Variants in ZFR observed in about 807,000 individuals in gnomAD.
ZFR encodes zinc finger RNA binding protein.
A neutral mutation model predicts 130.7 loss-of-function variants in ZFR; 19 were observed. The ratio of observed to expected loss-of-function variants is 0.15; its 90% CI spans 0.10 to 0.21. The LOEUF (loss-of-function observed/expected upper bound fraction) is 0.21, where lower values mean the gene tolerates loss of function less well. Among genes scored for constraint, ZFR ranks in the 10% least tolerant of loss-of-function variants. ZFR has a pLI of 1.00. For missense variants in ZFR, 872 were observed against 1,321.5 expected (o/e 0.66, Z 5.27); for synonymous variants, 466 against 456.9 (o/e 1.02, Z -0.25).
At chr5:32,414,287 C>T (rs1021066337) in intron 5 of ZFR, among the ~76,000 whole-genome samples, 1 of 152,190 alleles carries the variant, frequency 6.6e-6, no homozygotes, top group Admixed American at 6.5e-5. Flanking sequence ...GTGTCATTCA[C>T]AGCATATCTT....
intron 15 of ZFR, among the ~76,000 whole-genome samples, chr5:32,384,329 A>C (rs1752991575): frequency 6.6e-6 from 1 of 152,190 alleles, no homozygotes; most frequent in South Asian, 2.1e-4. Context: ...AACCCTTTAC[A>C]CAAAACTCAT....
At position 32,406,948 on chromosome 5, in the gene ZFR, TTGCTGC is replaced by T. The variant is rs761299567; in HGVS notation, c.852_857del (p.Gln286_Gln287del). The T allele has an allele frequency of 6.3e-7, 1 of 1,598,434 alleles. No individual in the cohort carries two copies. Among genetic ancestry groups the T allele is most frequent in the Non-Finnish European group, 8.5e-7 (1 of 1,176,128 alleles). The stretch of plus-strand genomic sequence containing the variant: ...CAGCTGCTGCTGCTGCCTGCTTCTG[TTGCTGC>T]TGCTGCTGTTGATAGTAGGAAGATG... On this transcript the variant is annotated inframe_deletion, in exon 6 of 20. Transcript: ENST00000265069.
intron 13 of ZFR, 46 bp downstream of exon 13, chr5:32,388,423 T>C (rs1305498533): frequency 6.3e-7 from 1 of 1,589,178 alleles, no homozygotes; most frequent in East Asian, 2.2e-5. Context: ...GAAGTCCACA[T>C]AAGAAAAACC....
At chr5:32,373,992 T>C (rs1752738002) in intron 17 of ZFR, among the ~76,000 whole-genome samples, 1 of 152,148 alleles carries the variant, frequency 6.6e-6, no homozygotes. Context: ...TGGGTGACTC[T>C]CTCAAAGAAG....
At chr5:32,444,487 C>G in intron 1 of ZFR, 135 bp downstream of exon 1, 1 of 1,281,108 alleles carries the variant, frequency 7.8e-7, no homozygotes, top group East Asian at 3.1e-5. Context: ...CCGCCTCGCA[C>G]TCCCTCACTC....
chr5:32,428,983 T>A (rs1247879009), intron 2 of ZFR, among the ~76,000 whole-genome samples: 7 of 2,998 alleles, frequency 2.3e-3, no homozygotes, highest in Non-Finnish European at 6.5e-3. Context: ...ATCTTTTTTT[T>A]TTTTTTTTTT....
At chr5:32,376,549 G>A (rs1752813795) in intron 17 of ZFR, among the ~76,000 whole-genome samples, 2 of 151,438 alleles carry the variant, frequency 1.3e-5, no homozygotes, top group Admixed American at 6.6e-5. Context: ...TGAGATAGCC[G>A]TACTGTACTA....
chr5:32,436,172 G>A (rs1178071524), intron 2 of ZFR, among the ~76,000 whole-genome samples: 8 of 96,596 alleles, frequency 8.3e-5, no homozygotes, highest in African/African-American at 3.3e-4. Flanking sequence ...TTTTTGAGAT[G>A]GAGTCTCGCT....
chr5:32,397,597 G>T (rs549129470), intron 9 of ZFR, among the ~76,000 whole-genome samples: 1 of 152,144 alleles, frequency 6.6e-6, no homozygotes, highest in Admixed American at 6.5e-5. Flanking sequence ...GGGATTAAAG[G>T]TATGTAACAC....
intron 6 of ZFR, among the ~76,000 whole-genome samples, chr5:32,405,367 C>T (rs1753556877): frequency 6.6e-6 from 1 of 152,184 alleles, no homozygotes; most frequent in Admixed American, 6.5e-5. Flanking sequence ...GCATCTAGAA[C>T]TCTAACTCAA....
chr5:32,413,144 G>A (rs1288530164), intron 5 of ZFR, among the ~76,000 whole-genome samples: 1 of 151,626 alleles, frequency 6.6e-6, no homozygotes, highest in Non-Finnish European at 1.5e-5. Flanking sequence ...AGCCAAGCTG[G>A]TACCACTGCA....
At chr5:32,377,019 T>C (rs1752829708) in intron 17 of ZFR, among the ~76,000 whole-genome samples, 1 of 146,800 alleles carries the variant, frequency 6.8e-6, no homozygotes. Flanking sequence ...TAGCCGGGCG[T>C]GGTGGCAGGC....
At chr5:32,397,502 G>T (rs1753341609) in intron 9 of ZFR, among the ~76,000 whole-genome samples, 164 bp from the exon 10 acceptor site, 2 of 152,072 alleles carry the variant, frequency 1.3e-5, no homozygotes, top group Admixed American at 1.3e-4. Flanking sequence ...CGCCCATGCT[G>T]GAGTGCAGTG....
chr5:32,395,284 C>T lies in ZFR; in HGVS notation c.1854G>A (p.Leu618=). Residue 618 remains leucine, a synonymous_variant, in exon 11 of 20, where the codon TTG becomes TTA. Coordinates refer to ENST00000265069, the MANE Select transcript of ZFR (RefSeq NM_016107.5). ...LQYKKKVNPD[L]QVEVKPSIRA... is the part of the protein sequence containing the mutation. ...GAATACTAGGCTTTACTTCTACTTG[C>T]AAATCTGGATTTACTTTTTTCTATT... 1 of 1,589,114 alleles carries T rather than the reference C, an allele frequency of 6.3e-7. No homozygotes were observed. Among genetic ancestry groups the T allele is most frequent in the South Asian group, 1.2e-5 (1 of 85,990 alleles).
intron 3 of ZFR, among the ~76,000 whole-genome samples, chr5:32,419,319 AATACAAAGCTCATTGC>A (rs763364615): frequency 1.4e-4 from 21 of 152,120 alleles, no homozygotes; most frequent in Non-Finnish European, 2.9e-4. Flanking sequence ...AAGGATTATT[AATACAAAGCTCATTGC>A]AAGGAATTTT....
In ZFR at chr5:32,444,278, C is replaced by T; in HGVS notation, c.88G>A (p.Gly30Arg). ...DAKMATGNYF[G>R]FTHSGAAAAA... is the part of the protein sequence containing the mutation. Reference sequence around the variant, plus strand: ...GCCGCCGCCCCGCTGTGGGTGAATCCAAAGTAGTTGCCGGTCGCCATTTTG... The same window carrying T: ...GCCGCCGCCCCGCTGTGGGTGAATCTAAAGTAGTTGCCGGTCGCCATTTTG... Residue 30 changes from glycine to arginine, a missense_variant, in exon 2 of 20, where the codon GGA becomes AGA. Coordinates refer to ENST00000265069, the MANE Select transcript of ZFR (RefSeq NM_016107.5). 6.4e-7 allele frequency: 1 copy of T among 1,557,452 alleles called. No homozygotes were observed. Among genetic ancestry groups the T allele is most frequent in the Non-Finnish European group, 8.7e-7 (1 of 1,152,412 alleles).
intron 1 of ZFR, 110 bp downstream of exon 1, chr5:32,444,512 G>A: frequency 7.4e-7 from 1 of 1,344,458 alleles, no homozygotes; most frequent in Non-Finnish European, 9.7e-7. Context: ...GCACGCCCGG[G>A]TGGCGGCCGC....
At chr5:32,414,587 A>G (rs1314949570) in intron 5 of ZFR, among the ~76,000 whole-genome samples, 1 of 152,220 alleles carries the variant, frequency 6.6e-6, no homozygotes, top group African/African-American at 2.4e-5. Context: ...TTCGAGAGCC[A>G]AAATAAACAG....
chr5:32,355,932 A>G lies in ZFR; in HGVS notation c.3053T>C (p.Leu1018Ser). ...TATCTGGCGGAATGCAAGGAGTCTC[A>G]ATGCAAACTGCAACAAAGAGAGTCA... ...EDITSSAQFA[L>S]RLLAFRQIHK... Residue 1018 changes from leucine (L) to serine (S), a missense_variant, in exon 20 of 20, where the codon TTG becomes TCG. Leu to Ser is a moderately radical substitution (Grantham distance 145, BLOSUM62 -2). Transcript: ENST00000265069. 1 of 1,588,454 alleles carries G rather than the reference A, an allele frequency of 6.3e-7. No individual in the cohort carries two copies. The highest frequency in any genetic ancestry group is 8.5e-7 in the Non-Finnish European group (1 of 1,171,802).
Sources: allele counts gnomAD v4.1 joint callset (sites outside exome capture counted in the v4.1 genomes callset), GRCh38; gene constraint gnomAD v4.1.1; transcripts MANE v1.5; gene names NCBI Gene and HGNC (gene_info 2026-07-23, HGNC 2026-07-21).